GOLGA4: variants seen among roughly 807,000 people sequenced by gnomAD.
GOLGA4 encodes golgin subfamily A member 4.
GOLGA4 carries 169 observed loss-of-function variants against 265.9 expected under a neutral mutation model. The ratio of observed to expected loss-of-function variants is 0.64; its 90% CI spans 0.56 to 0.72. The LOEUF (loss-of-function observed/expected upper bound fraction) is 0.72. Among genes scored for constraint, GOLGA4 ranks in the 30% least tolerant of loss-of-function variants. The pLI, the probability that GOLGA4 is intolerant of heterozygous loss-of-function variation, is 0.00. For synonymous variants in GOLGA4, 923 were observed against 855.8 expected (o/e 1.08, Z -1.37); for missense variants, 2,482 against 2,483.4 (o/e 1.00, Z 0.01).
chr3:37,341,438 T>C (rs1306241600), intron 20 of GOLGA4, among the ~76,000 whole-genome samples: 1 of 152,200 alleles, frequency 6.6e-6, no homozygotes, highest in African/African-American at 2.4e-5. Flanking sequence ...TTTTGAAAGC[T>C]CTCATTACTA....
intron 4 of GOLGA4, 50 bp downstream of exon 4, chr3:37,286,111 A>G: frequency 1.2e-6 from 1 of 827,574 alleles, no homozygotes; most frequent in East Asian, 2.4e-5. Flanking sequence ...TAAATCAGAA[A>G]GATCTTATAT....
At chr3:37,248,949 CAG>C (rs1262494794) in intron 1 of GOLGA4, among the ~76,000 whole-genome samples, 10 of 152,286 alleles carry the variant, frequency 6.6e-5, no homozygotes, top group Middle Eastern at 3.4e-3. Flanking sequence ...AGAATCACAA[CAG>C]AGAGAGTTGA....
At chr3:37,304,512 T>C (rs2096901119) in intron 10 of GOLGA4, among the ~76,000 whole-genome samples, 1 of 152,238 alleles carries the variant, frequency 6.6e-6, no homozygotes, top group South Asian at 2.1e-4. Flanking sequence ...AGGTTTGCTT[T>C]CAGTGAACAG....
In GOLGA4 at chr3:37,248,667, C is replaced by G. The variant is rs534886249; in HGVS notation, c.73-2728C>G. 4.4e-3 allele frequency among the ~76,000 whole-genome samples: 667 copies of G among 152,312 alleles called. 5 individuals carry two copies. Among genetic ancestry groups the G allele is most frequent in the Non-Finnish European group, 6.5e-3 (445 of 68,026 alleles). On this transcript the variant is annotated intron_variant, in intron 1 of 23. Transcript: ENST00000361924. Reference sequence around the variant, plus strand: ...TCAGGCCACGTTTTGCCAGATAGTACTACTTTTCTAGGGAGAGTATGTTTT... The same window carrying G: ...TCAGGCCACGTTTTGCCAGATAGTAGTACTTTTCTAGGGAGAGTATGTTTT...
intron 2 of GOLGA4, among the ~76,000 whole-genome samples, chr3:37,281,617 T>C (rs1354279912): frequency 2.0e-5 from 3 of 152,224 alleles, no homozygotes; most frequent in South Asian, 2.1e-4. Flanking sequence ...TCTCACAGTT[T>C]AGTGGATGAA....
At chr3:37,344,167 C>T (rs1007791455) in intron 20 of GOLGA4, among the ~76,000 whole-genome samples, 5 of 152,174 alleles carry the variant, frequency 3.3e-5, no homozygotes, top group African/African-American at 4.8e-5. Context: ...AGTGGCGTAG[C>T]CTTGGCTCAC....
intron 16 of GOLGA4, 77 bp from the exon 17 acceptor site, chr3:37,334,976 G>C (rs1231851970): frequency 2.5e-6 from 2 of 788,698 alleles, no homozygotes; most frequent in Non-Finnish European, 4.1e-6. Context: ...CCTCTCCAGA[G>C]TGCTTTTTTG....
At chr3:37,256,162 G>A (rs1266705638) in intron 2 of GOLGA4, among the ~76,000 whole-genome samples, 1 of 151,994 alleles carries the variant, frequency 6.6e-6, no homozygotes, top group East Asian at 1.9e-4. Context: ...CATTAATTGG[G>A]TCCATATGTC....
rs895791509 is a variant in GOLGA4 at position 37,276,187 on chromosome 3, G to A, written c.163-5771G>A. 2.5e-6 allele frequency: 4 copies of A among 1,585,504 alleles called. No individual in the cohort carries two copies. In the African/African-American group the frequency reaches 4.0e-5, roughly 16 times the overall value. The stretch of plus-strand genomic sequence containing the variant: ...ACTACATTGCAATTGGAGCTGATGA[G>A]GAAGAATTAGGATCTCAAATTGAAG... On this transcript the variant is annotated intron_variant, in intron 2 of 23. Coordinates refer to ENST00000361924, the MANE Select transcript of GOLGA4 (RefSeq NM_002078.5).
chr3:37,319,033 C>A (rs777926551), intron 11 of GOLGA4, 30 bp from the exon 12 acceptor site: 2 of 1,495,624 alleles, frequency 1.3e-6, no homozygotes, highest in Non-Finnish European at 1.8e-6. Context: ...TTCTGGGTGT[C>A]CTTATATTAT....
intron 2 of GOLGA4, among the ~76,000 whole-genome samples, chr3:37,256,627 G>A (rs1407769939): frequency 6.6e-6 from 1 of 152,126 alleles, no homozygotes; most frequent in African/African-American, 2.4e-5. Context: ...TTTGATCATA[G>A]CACTCTCTCC....
chr3:37,339,231 T>A (rs1308772764), intron 19 of GOLGA4, among the ~76,000 whole-genome samples: 1 of 152,168 alleles, frequency 6.6e-6, no homozygotes, highest in Non-Finnish European at 1.5e-5. Context: ...TATATCAGTA[T>A]TTAATTTCTT....
intron 2 of GOLGA4, among the ~76,000 whole-genome samples, chr3:37,267,544 T>A (rs996837658): frequency 6.6e-5 from 10 of 152,232 alleles, no homozygotes; most frequent in Admixed American, 4.6e-4. Flanking sequence ...AGTGGACATT[T>A]TCCTATTGAA....
intron 10 of GOLGA4, among the ~76,000 whole-genome samples, chr3:37,312,634 C>A (rs2096926173): frequency 6.6e-6 from 1 of 151,870 alleles, no homozygotes; most frequent in African/African-American, 2.4e-5. Flanking sequence ...GTGATCCTCC[C>A]ACCTCAGCTG....
At chr3:37,337,071 A>G (rs1367436181) in intron 17 of GOLGA4, 72 bp from the exon 18 acceptor site, 2 of 964,778 alleles carry the variant, frequency 2.1e-6, no homozygotes, top group Admixed American at 4.5e-5. Flanking sequence ...TTATATCTTT[A>G]TATTGCTTTG....
intron 2 of GOLGA4, among the ~76,000 whole-genome samples, chr3:37,269,390 A>C (rs961839119): frequency 6.6e-6 from 1 of 152,252 alleles, no homozygotes; most frequent in Non-Finnish European, 1.5e-5. Context: ...CCTATGTAAC[A>C]GACTTGCACA....
Position 37,252,135 on chromosome 3 carries a change from A to AC in GOLGA4, c.162+652dup, listed in dbSNP as rs1207144778. Among the ~76,000 whole-genome samples the AC allele has an allele frequency of 3.8e-3, 4 of 1,060 alleles. No homozygotes were observed. In the Admixed American group the frequency reaches 0.052, roughly 14 times the overall value. The allele number at this position is 1,060 out of a possible 152,430, so 0.7% of individuals were successfully genotyped here. On this transcript the variant is annotated intron_variant, in intron 2 of 23. Coordinates refer to ENST00000361924, the MANE Select transcript of GOLGA4 (RefSeq NM_002078.5). ...CTGGCATTAAAACTCATTATTTCCC[A>AC]CTTTTTTTCTGTGAAGTGTAACACA... is the stretch of plus-strand genomic sequence containing the variant.
chr3:37,345,723 C>A (rs961373288), intron 20 of GOLGA4, among the ~76,000 whole-genome samples: 1 of 152,064 alleles, frequency 6.6e-6, no homozygotes, highest in Non-Finnish European at 1.5e-5. Flanking sequence ...CCAAGGCAGG[C>A]GAATCATGAG....
chr3:37,293,609 A>G (rs985385227), intron 5 of GOLGA4, among the ~76,000 whole-genome samples: 1 of 152,220 alleles, frequency 6.6e-6, no homozygotes, highest in Non-Finnish European at 1.5e-5. Context: ...AGAGCTGTCT[A>G]ATACTTCCAT....
Sources: gnomAD v4.1 joint callset for allele counts (sites outside exome capture counted in the v4.1 genomes callset) on GRCh38, gnomAD v4.1.1 for gene constraint, MANE v1.5 for transcripts, NCBI Gene and HGNC (gene_info 2026-07-23, HGNC 2026-07-21) for gene names.